The following PCBP3 variants were observed in gnomAD, a reference collection of about 807,000 sequenced individuals.
PCBP3 encodes poly(rC) binding protein 3, also known as poly(rC)-binding protein 3.
PCBP3 carries 25 observed loss-of-function variants against 52.7 expected under a neutral mutation model. That is an observed-to-expected ratio of 0.47 (90% CI 0.35 to 0.66). PCBP3 has a LOEUF of 0.66. Ranked by LOEUF, PCBP3 falls within the 30% of genes least tolerant of loss-of-function variation. The pLI, the probability that PCBP3 is intolerant of heterozygous loss-of-function variation, is 0.01. For synonymous variants in PCBP3, 162 were observed against 183.0 expected (o/e 0.89, Z 0.93); for missense variants, 391 against 490.3 (o/e 0.80, Z 1.91).
At chr21:45,774,929 G>A (rs1398228545) in intron 4 of PCBP3, among the ~76,000 whole-genome samples, 1 of 152,136 alleles carries the variant, frequency 6.6e-6, no homozygotes, top group Non-Finnish European at 1.5e-5. Context: ...ATTTTGTTGA[G>A]CATTATTGTG....
In PCBP3 at chr21:45,821,981, C is replaced by T. The variant is rs893830027; in HGVS notation, c.-125-27980C>T. Among the ~76,000 whole-genome samples, 1 of 152,226 alleles carries T rather than the reference C, an allele frequency of 6.6e-6. No individual in the cohort carries two copies. Among genetic ancestry groups the T allele is most frequent in the Non-Finnish European group, 1.5e-5 (1 of 68,034 alleles). On this transcript the variant is annotated intron_variant, in intron 4 of 17. Transcript: ENST00000681687. The surrounding 1 kb of genome is among the most constrained non-coding windows in gnomAD (Gnocchi z 4.4). ...CCTGACAACTTAGCTATTTATCAGA[C>T]CCCAAAATCATGAGCCTTGAGAAAT...
At position 45,917,286 on chromosome 21, in the gene PCBP3, C is replaced by G. The variant is rs973775492; in HGVS notation, c.676-302C>G. On this transcript the variant is annotated intron_variant, in intron 12 of 17. Coordinates refer to ENST00000681687, the MANE Select transcript of PCBP3 (RefSeq NM_001384156.1). This position sits in a 1 kb window ranked among gnomAD's most constrained non-coding sequence, Gnocchi z 5.3. ...AGTGGAGACCTCTTACTGGGCAGAT[C>G]ACTCTTCGATTCTTTTGCTTTAAGA... is the stretch of plus-strand genomic sequence containing the variant. The G allele has an allele frequency of 2.8e-4, 98 of 350,684 alleles. 1 individual carries two copies. Among genetic ancestry groups the G allele is most frequent in the Non-Finnish European group, 4.2e-5 (8 of 192,162 alleles). 21.7% of individuals were successfully genotyped at this position (350,684 alleles called of 1,614,324 possible). A position where few individuals can be genotyped will look rare whatever the true frequency, so the allele number is the denominator to read the frequency against.
chr21:45,648,862 C>G (rs2079498976), intron 1 of PCBP3, among the ~76,000 whole-genome samples: 1 of 152,100 alleles, frequency 6.6e-6, no homozygotes, highest in Admixed American at 6.5e-5. Flanking sequence ...TTTAGAAGTT[C>G]TTTACATATT....
rs1315022153 is a variant in PCBP3 at position 45,784,200 on chromosome 21, G to T, written c.-126+28748G>T. ...TTTTTGTGCCAAGGTAGCTCTGAAT[G>T]TGCTGATTCAAAAAAAATTTAAGGT... On this transcript the variant is annotated intron_variant, in intron 4 of 17. Coordinates refer to ENST00000681687, the MANE Select transcript of PCBP3 (RefSeq NM_001384156.1). 3.9e-5 allele frequency among the ~76,000 whole-genome samples: 6 copies of T among 152,128 alleles called. No homozygotes were observed. In the East Asian group the frequency reaches 1.2e-3, roughly 29 times the overall value.
At chr21:45,662,156 A>AT (rs951063353) in intron 1 of PCBP3, among the ~76,000 whole-genome samples, 1 of 147,116 alleles carries the variant, frequency 6.8e-6, no homozygotes, top group Non-Finnish European at 1.5e-5. Flanking sequence ...CCATTTGTCT[A>AT]TTTTTGTTAT....
chr21:45,821,930 T>C lies in PCBP3; in HGVS notation c.-125-28031T>C, dbSNP rs2093152407. On this transcript the variant is annotated intron_variant, in intron 4 of 17. Coordinates refer to ENST00000681687, the MANE Select transcript of PCBP3 (RefSeq NM_001384156.1). The surrounding 1 kb of genome is among the most constrained non-coding windows in gnomAD (Gnocchi z 4.4). ...GTCACTCGGCGTTTCCGACACCTGC[T>C]CTCATCATTTTCCTACCTTCTCTTT... is the stretch of plus-strand genomic sequence containing the variant. 6.6e-6 allele frequency among the ~76,000 whole-genome samples: 1 copy of C among 152,194 alleles called. No homozygotes were observed. Among genetic ancestry groups the C allele is most frequent in the Non-Finnish European group, 1.5e-5 (1 of 68,028 alleles).
intron 4 of PCBP3, among the ~76,000 whole-genome samples, chr21:45,809,291 A>C (rs2092608366): frequency 6.6e-6 from 1 of 152,192 alleles, no homozygotes; most frequent in African/African-American, 2.4e-5. Flanking sequence ...ATCTTTCTGC[A>C]TTTCCATCTC....
At chr21:45,801,299 C>T (rs1214442747) in intron 4 of PCBP3, among the ~76,000 whole-genome samples, 6 of 152,252 alleles carry the variant, frequency 3.9e-5, no homozygotes, top group Non-Finnish European at 5.9e-5. Context: ...CTCACAGCCC[C>T]GGTGGCCAGT....
Position 45,800,237 on chromosome 21 carries a change from G to A in PCBP3, c.-126+44785G>A, listed in dbSNP as rs552479908. On this transcript the variant is annotated intron_variant, in intron 4 of 17. Coordinates refer to ENST00000681687, the MANE Select transcript of PCBP3 (RefSeq NM_001384156.1). This position sits in a 1 kb window ranked among gnomAD's most constrained non-coding sequence, Gnocchi z 5.3. ...TTGCAGCTTTTTCTTGGGAGCACCG[G>A]GCCAAGCCAGAGGCTCCTGGCAGAT... Among the ~76,000 whole-genome samples, 1 of 152,228 alleles carries A rather than the reference G, an allele frequency of 6.6e-6. No homozygotes were observed. The highest frequency in any genetic ancestry group is 2.4e-5 in the African/African-American group (1 of 41,532).
chr21:45,914,940 A>T (rs980509207), intron 12 of PCBP3: 3 of 152,246 alleles, frequency 2.0e-5, no homozygotes, highest in Non-Finnish European at 4.4e-5. Context: ...AAATGTTAGC[A>T]CTTTTCCTGG....
chr21:45,926,349 CTG>C (rs1253635022), intron 13 of PCBP3, among the ~76,000 whole-genome samples: 5 of 152,246 alleles, frequency 3.3e-5, no homozygotes, highest in African/African-American at 4.8e-5. Flanking sequence ...TGATAAACAA[CTG>C]TGTTACTGGT....
chr21:45,899,485 G>C, intron 6 of PCBP3, 114 bp from the exon 7 acceptor site: 1 of 742,728 alleles, frequency 1.3e-6, no homozygotes. Flanking sequence ...CACCGGGAAG[G>C]TCCCTTCTGC....
At chr21:45,839,442 C>T (rs151077381) in intron 4 of PCBP3, among the ~76,000 whole-genome samples, 56 of 152,324 alleles carry the variant, frequency 3.7e-4, no homozygotes, top group African/African-American at 1.2e-3. Context: ...CCAATTATTT[C>T]GTGGTTGGCC....
intron 2 of PCBP3, among the ~76,000 whole-genome samples, chr21:45,690,775 A>G (rs988882220): frequency 1.3e-5 from 2 of 152,208 alleles, no homozygotes; most frequent in Admixed American, 6.5e-5. Context: ...ATTAATATCT[A>G]TCATTAGTCT....
chr21:45,900,130 C>T (rs1461598958), intron 7 of PCBP3, among the ~76,000 whole-genome samples: 1 of 152,246 alleles, frequency 6.6e-6, no homozygotes, highest in Non-Finnish European at 1.5e-5. Context: ...TCCGGGGGTC[C>T]TTCCCCTCAG....
chr21:45,873,336 A>G (rs1461204682), intron 5 of PCBP3: 2 of 152,160 alleles, frequency 1.3e-5, no homozygotes, highest in Non-Finnish European at 2.9e-5. Context: ...AAACAACTGC[A>G]TGTACCTTGT....
At chr21:45,757,919 C>T (rs2088222731) in intron 4 of PCBP3, among the ~76,000 whole-genome samples, 1 of 149,748 alleles carries the variant, frequency 6.7e-6, no homozygotes. Flanking sequence ...CAGAGTCTCA[C>T]TCTGTAGCCC....
rs2093427459 is a variant in PCBP3 at position 45,830,779 on chromosome 21, G to C, written c.-125-19182G>C. ...TAAATTAATCAATGGTTTGGGAATT[G>C]GGTATACGAACATTTATAAGCCAGT... is the stretch of plus-strand genomic sequence containing the variant. On this transcript the variant is annotated intron_variant, in intron 4 of 17. Transcript: ENST00000681687. The surrounding 1 kb of genome is among the most constrained non-coding windows in gnomAD (Gnocchi z 4.4). The C allele has an allele frequency of 6.6e-6, 1 of 152,230 alleles. No individual in the cohort carries two copies. Among genetic ancestry groups the C allele is most frequent in the Admixed American group, 6.5e-5 (1 of 15,286 alleles). 9.4% of individuals were successfully genotyped at this position (152,230 alleles called of 1,614,324 possible). A position where few individuals can be genotyped will look rare whatever the true frequency, so the allele number is the denominator to read the frequency against.
At chr21:45,939,788 C>T (rs1372646379) in intron 16 of PCBP3, among the ~76,000 whole-genome samples, 1 of 152,168 alleles carries the variant, frequency 6.6e-6, no homozygotes, top group East Asian at 1.9e-4. Flanking sequence ...GGTAGCAGGG[C>T]GGGTCTGAGA....
Sources: gnomAD v4.1 joint callset for allele counts (sites outside exome capture counted in the v4.1 genomes callset) on GRCh38, gnomAD v4.1.1 for gene constraint, Gnocchi (gnomAD v3.1) non-coding constraint, MANE v1.5 for transcripts, NCBI Gene and HGNC (gene_info 2026-07-23, HGNC 2026-07-21) for gene names.